Variants in NF1 observed in about 807,000 individuals in gnomAD.
NF1 encodes the protein neurofibromin.
NF1 carries 122 observed loss-of-function variants against 325.7 expected under a neutral mutation model. The observed-to-expected ratio is 0.37, with a 90% confidence interval of 0.32 to 0.44. NF1 has a LOEUF of 0.44. Ranked by LOEUF, NF1 falls within the 20% of genes least tolerant of loss-of-function variation. The probability of loss-of-function intolerance (pLI) is 1.00; values close to 1 mark genes in which losing one functional copy is unlikely to be tolerated. For synonymous variants in NF1, 1,091 were observed against 1,186.0 expected (o/e 0.92, Z 1.65); for missense variants, 2,140 against 3,415.4 (o/e 0.63, Z 9.31).
At chr17:31,121,682 C>T (rs1286772137) in intron 1 of NF1, among the ~76,000 whole-genome samples, 2 of 152,008 alleles carry the variant, frequency 1.3e-5, no homozygotes, top group East Asian at 1.9e-4. Flanking sequence ...TTGAGATAAT[C>T]GTGTGGTTTT....
At chr17:31,368,557 C>T (rs940731376) in intron 57 of NF1, among the ~76,000 whole-genome samples, 1 of 152,138 alleles carries the variant, frequency 6.6e-6, no homozygotes, top group African/African-American at 2.4e-5. Context: ...CTGTAGCTAC[C>T]TAAGAAGATT....
In NF1 at chr17:31,267,884, A is replaced by T. The variant is rs558573808; in HGVS notation, c.4835+2545A>T. On this transcript the variant is annotated intron_variant, in intron 36 of 57. Transcript: ENST00000358273. ...ATTCTTTCCTCTTATTGTCTTTCTC[A>T]TTGTTAGTCACCAAATCTTGGTTTT... is the stretch of plus-strand genomic sequence containing the variant. Among the ~76,000 whole-genome samples, 24 of 152,140 alleles carry T rather than the reference A, an allele frequency of 1.6e-4. No homozygotes were observed. The South Asian group carries it at 3.9e-3, about 25-fold the overall frequency.
At chr17:31,302,130 C>T (rs2068586509) in intron 36 of NF1, among the ~76,000 whole-genome samples, 1 of 151,906 alleles carries the variant, frequency 6.6e-6, no homozygotes, top group African/African-American at 2.4e-5. Context: ...CAAAGAATTT[C>T]TTTAAAAAAA....
At chr17:31,147,722 G>A (rs73989992) in intron 1 of NF1, among the ~76,000 whole-genome samples, 6,224 of 152,202 alleles carry the variant, frequency 0.041, 401 homozygotes, top group African/African-American at 0.14. Context: ...GCTTATCACT[G>A]AGAACTGTAT....
chr17:31,182,874 A>G (rs2066163359), intron 8 of NF1: 2 of 609,736 alleles, frequency 3.3e-6, no homozygotes, highest in South Asian at 4.0e-5. Context: ...CCAGGCAATG[A>G]ACAAAGATTT....
intron 1 of NF1, among the ~76,000 whole-genome samples, chr17:31,155,193 GTTAGCA>G (rs2065637342): frequency 6.6e-6 from 1 of 152,130 alleles, no homozygotes. Context: ...AGGTTTCTCT[GTTAGCA>G]TTAGCAGGGT....
intron 48 of NF1, among the ~76,000 whole-genome samples, chr17:31,347,385 A>G (rs2070020773): frequency 6.6e-6 from 1 of 152,124 alleles, no homozygotes; most frequent in African/African-American, 2.4e-5. Flanking sequence ...GAGAAAACAA[A>G]TTCTTTATTT....
In NF1 at chr17:31,119,945, A is replaced by G. The variant is rs762031489; in HGVS notation, c.60+24576A>G. ...AGATGTGTGGTGTTATTTCTGAGGTATCTGTTCTGTTCCATTGGTCTATGT... is the reference window on the plus strand; with the variant it reads ...AGATGTGTGGTGTTATTTCTGAGGTGTCTGTTCTGTTCCATTGGTCTATGT... On this transcript the variant is annotated intron_variant, in intron 1 of 57. Transcript: ENST00000358273. Among the ~76,000 whole-genome samples the G allele has an allele frequency of 3.3e-5, 5 of 152,196 alleles. No homozygotes were observed. In the East Asian group the frequency reaches 9.7e-4, roughly 29 times the overall value.
At chr17:31,365,920 C>T (rs938131830) in intron 57 of NF1, among the ~76,000 whole-genome samples, 3 of 151,152 alleles carry the variant, frequency 2.0e-5, no homozygotes, top group East Asian at 1.9e-4. Flanking sequence ...CAAGTAAATT[C>T]GTGATCTATT....
rs759279011 is a variant in NF1 at position 31,232,690 on chromosome 17, T to C, written c.3315-10T>C. On this transcript the variant is annotated splice_polypyrimidine_tract_variant and intron_variant, in intron 25 of 57. Coordinates refer to ENST00000358273, the MANE Select transcript of NF1 (RefSeq NM_001042492.3). ...TTCACTATGTAAAGGTCAGTCTTTT[T>C]ATTTCTCAGATACTTCACATTATTT... 6.2e-7 allele frequency: 1 copy of C among 1,613,578 alleles called. No individual in the cohort carries two copies. The highest frequency in any genetic ancestry group is 8.5e-7 in the Non-Finnish European group (1 of 1,179,746).
At chr17:31,358,786 G>C (rs756802089) in intron 55 of NF1, 164 bp downstream of exon 55, 1 of 1,107,006 alleles carries the variant, frequency 9.0e-7, no homozygotes, top group Non-Finnish European at 1.3e-6. Context: ...AATGTAACTG[G>C]TTGACAACTT....
chr17:31,127,973 T>G (rs767354539), intron 1 of NF1, among the ~76,000 whole-genome samples: 5 of 152,170 alleles, frequency 3.3e-5, no homozygotes, highest in African/African-American at 4.8e-5. Flanking sequence ...TGTTTTGTTT[T>G]GTTTGGTTTT....
intron 57 of NF1, 72 bp from the exon 58 acceptor site, chr17:31,373,941 G>A (rs1226430237): frequency 2.2e-5 from 35 of 1,587,924 alleles, no homozygotes; most frequent in East Asian, 8.9e-5. Flanking sequence ...GTTGTTAAGC[G>A]ACACATGACT....
intron 27 of NF1, among the ~76,000 whole-genome samples, chr17:31,235,304 C>G (rs1411560587): frequency 6.6e-6 from 1 of 152,180 alleles, no homozygotes; most frequent in Non-Finnish European, 1.5e-5. Flanking sequence ...TTTCTGCTCT[C>G]TTTCATTTTG....
chr17:31,102,471 G>T (rs1912431284), intron 1 of NF1, among the ~76,000 whole-genome samples: 1 of 152,010 alleles, frequency 6.6e-6, no homozygotes, highest in Admixed American at 6.6e-5. Flanking sequence ...GGCCAGGTGC[G>T]GTAGCTGATG....
chr17:31,191,418 A>T (rs2066340083), intron 8 of NF1, among the ~76,000 whole-genome samples: 1 of 152,204 alleles, frequency 6.6e-6, no homozygotes, highest in Non-Finnish European at 1.5e-5. Flanking sequence ...ACCAGTGGTG[A>T]TGCCTTGGAA....
At chr17:31,290,078 A>AT (rs1260142675) in intron 36 of NF1, among the ~76,000 whole-genome samples, 1 of 151,868 alleles carries the variant, frequency 6.6e-6, no homozygotes, top group East Asian at 1.9e-4. Flanking sequence ...GAATTTTAAG[A>AT]TTTTTTTCTC....
At chr17:31,345,379 C>T (rs2069945304) in intron 48 of NF1, 2 of 1,204,116 alleles carry the variant, frequency 1.7e-6, no homozygotes, top group South Asian at 1.6e-5. Flanking sequence ...GTCTCTCCTT[C>T]CCCCTGTAGG....
chr17:31,282,677 A>G (rs2068143724), intron 36 of NF1, among the ~76,000 whole-genome samples: 2 of 152,228 alleles, frequency 1.3e-5, no homozygotes, highest in South Asian at 4.1e-4. Flanking sequence ...TGTAGCATGT[A>G]TCAGAACTTT....
Sources: allele counts gnomAD v4.1 joint callset (sites outside exome capture counted in the v4.1 genomes callset), GRCh38; gene constraint gnomAD v4.1.1; transcripts MANE v1.5; gene names NCBI Gene and HGNC (gene_info 2026-07-23, HGNC 2026-07-21).